Variants in DAB1 observed in about 807,000 individuals in gnomAD.
DAB1 encodes disabled homolog 1.
Under a neutral mutation model 64.6 loss-of-function variants are expected in DAB1, and 15 were observed. The observed-to-expected ratio is 0.23, with a 90% CI of 0.16 to 0.36. The LOEUF is 0.36. Among genes scored for constraint, DAB1 ranks in the 10% least tolerant of loss-of-function variants. The pLI is 1.00. For synonymous variants in DAB1, 235 were observed against 251.9 expected, an observed-to-expected ratio of 0.93 and a Z score of 0.64; for missense variants, 596 against 706.7, an observed-to-expected ratio of 0.84 and a Z score of 1.78.
chr1:58,471,189 C>G (rs1287277597), intron 3 of DAB1, among the ~76,000 whole-genome samples: 1 of 152,132 alleles, frequency 6.6e-6, no homozygotes, highest in African/African-American at 2.4e-5. Context: ...CACTGGAGTT[C>G]TGGGGTCCTA....
intron 4 of DAB1, among the ~76,000 whole-genome samples, chr1:58,153,237 T>C (rs1349554244): frequency 2.0e-5 from 3 of 152,208 alleles, no homozygotes; most frequent in Non-Finnish European, 4.4e-5. Context: ...CTTTAGCGTG[T>C]TTGCTGAATG....
At chr1:57,203,066 G>C (rs1665233398) in intron 2 of DAB1, among the ~76,000 whole-genome samples, 1 of 152,190 alleles carries the variant, frequency 6.6e-6, no homozygotes, top group Admixed American at 6.5e-5. Flanking sequence ...ATGTGCAGCA[G>C]CAGATTGGGG....
chr1:57,258,358 A>AT (rs1669923135), intron 2 of DAB1, among the ~76,000 whole-genome samples: 1 of 151,976 alleles, frequency 6.6e-6, no homozygotes, highest in African/African-American at 2.4e-5. Context: ...GAGTGTGAGC[A>AT]TTTTTTTGCC....
intron 3 of DAB1, among the ~76,000 whole-genome samples, chr1:58,472,758 G>GAAGT (rs1249793437): frequency 6.6e-6 from 1 of 152,238 alleles, no homozygotes; most frequent in Admixed American, 6.5e-5. Context: ...TCTTACACTT[G>GAAGT]TCTCTTGAAG....
intron 1 of DAB1, among the ~76,000 whole-genome samples, chr1:57,406,743 A>G (rs1424906781): frequency 2.0e-5 from 3 of 152,202 alleles, no homozygotes; most frequent in Non-Finnish European, 4.4e-5. Flanking sequence ...ATTTAGCTGA[A>G]ATGCAGCCAA....
intron 4 of DAB1, among the ~76,000 whole-genome samples, chr1:58,211,702 T>A (rs1658559213): frequency 6.6e-6 from 1 of 152,220 alleles, no homozygotes; most frequent in Non-Finnish European, 1.5e-5. Flanking sequence ...TCTCTAATTC[T>A]GCCCTTAAAA....
intron 2 of DAB1, among the ~76,000 whole-genome samples, chr1:57,266,845 T>C (rs1169664769): frequency 6.6e-6 from 1 of 151,992 alleles, no homozygotes; most frequent in Admixed American, 6.6e-5. Flanking sequence ...CAGGGGTAGG[T>C]TCATATAATT....
chr1:58,395,036 C>A (rs1334862601), intron 3 of DAB1, among the ~76,000 whole-genome samples: 5 of 152,020 alleles, frequency 3.3e-5, no homozygotes, highest in African/African-American at 4.8e-5. Flanking sequence ...AAGCCTCCGA[C>A]AGTCTAGCTG....
chr1:58,100,064 A>AT lies in DAB1; in HGVS notation n.387+50446dup, dbSNP rs1006644851. ...GTCAAGCTTTATTTTTGCCTGTAGCATTTTTTTTTATCGTGGTAAAAGATA... is the reference window on the plus strand; with the variant it reads ...GTCAAGCTTTATTTTTGCCTGTAGCATTTTTTTTTTATCGTGGTAAAAGATA... On this transcript the variant is annotated intron_variant and non_coding_transcript_variant, in intron 5 of 20. Coordinates refer to the DAB1 transcript ENST00000485760. 3.4e-4 allele frequency among the ~76,000 whole-genome samples: 52 copies of AT among 151,264 alleles called. 1 individual carries two copies. In the East Asian group the frequency reaches 4.1e-3, roughly 12 times the overall value.
intron 2 of DAB1, among the ~76,000 whole-genome samples, chr1:57,271,382 G>A (rs1237436444): frequency 6.6e-6 from 1 of 152,188 alleles, no homozygotes; most frequent in African/African-American, 2.4e-5. Context: ...AAAACAACTG[G>A]TTTTGGCAGG....
At chr1:58,131,742 T>TG (rs199740753) in intron 5 of DAB1, among the ~76,000 whole-genome samples, 1 of 146,566 alleles carries the variant, frequency 6.8e-6, no homozygotes, top group African/African-American at 2.5e-5. Flanking sequence ...GTGCCCCTGC[T>TG]GGGGGGTGCC....
intron 3 of DAB1, among the ~76,000 whole-genome samples, chr1:58,455,067 A>T (rs1488289716): frequency 6.6e-6 from 1 of 152,166 alleles, no homozygotes; most frequent in Non-Finnish European, 1.5e-5. Context: ...AGTTCTGAGG[A>T]AGTGTCTATA....
At chr1:57,259,794 T>G (rs1451103159) in intron 2 of DAB1, among the ~76,000 whole-genome samples, 1 of 152,202 alleles carries the variant, frequency 6.6e-6, no homozygotes, top group African/African-American at 2.4e-5. Context: ...AACCCTGACA[T>G]GGGTACTGAA....
chr1:57,766,611 T>C (rs553593727), intron 6 of DAB1, among the ~76,000 whole-genome samples: 3 of 152,298 alleles, frequency 2.0e-5, no homozygotes, highest in African/African-American at 4.8e-5. Context: ...ACAACACTTC[T>C]GGCACCAAAT....
chr1:57,226,356 G>A (rs1337287089), intron 2 of DAB1, among the ~76,000 whole-genome samples: 1 of 151,984 alleles, frequency 6.6e-6, no homozygotes, highest in East Asian at 1.9e-4. Flanking sequence ...TTCCTTCCAC[G>A]TTTCTCATTT....
chr1:58,237,287 T>C (rs1458513503), intron 4 of DAB1, among the ~76,000 whole-genome samples: 1 of 152,150 alleles, frequency 6.6e-6, no homozygotes, highest in African/African-American at 2.4e-5. Flanking sequence ...TGCACGTACG[T>C]AGATGAAAAT....
chr1:57,247,711 G>C (rs1668992592), intron 2 of DAB1, among the ~76,000 whole-genome samples: 2 of 152,200 alleles, frequency 1.3e-5, no homozygotes, highest in African/African-American at 4.8e-5. Context: ...GGAAAGCCTT[G>C]TGACTGGTTC....
chr1:57,144,256 T>G (rs513259), intron 3 of DAB1, among the ~76,000 whole-genome samples: 28,521 of 152,062 alleles, frequency 0.19, 3,338 homozygotes, highest in African/African-American at 0.31. Context: ...GATATTTGTA[T>G]ACTTCTTGCT....
At chr1:57,801,742 C>T (rs566473737) in intron 6 of DAB1, among the ~76,000 whole-genome samples, 75 of 152,020 alleles carry the variant, frequency 4.9e-4, no homozygotes, top group Non-Finnish European at 7.8e-4. Flanking sequence ...ACTGCAGCCT[C>T]GACTTCCTGG....
Sources: allele counts gnomAD v4.1 joint callset (sites outside exome capture counted in the v4.1 genomes callset), GRCh38; gene constraint gnomAD v4.1.1; transcripts MANE v1.5; gene names NCBI Gene and HGNC (gene_info 2026-07-23, HGNC 2026-07-21).